The following CLPB variants were observed in gnomAD, a reference collection of about 807,000 sequenced individuals.
The protein encoded by CLPB is mitochondrial disaggregase.
CLPB carries 40 observed loss-of-function variants against 78.4 expected under a neutral mutation model. That is an observed-to-expected ratio of 0.51 (90% CI 0.40 to 0.66). The LOEUF (loss-of-function observed/expected upper bound fraction) is 0.66. Ranked by LOEUF, CLPB falls within the 30% of genes least tolerant of loss-of-function variation. The probability of loss-of-function intolerance (pLI) is 0.00; values close to 1 mark genes in which losing one functional copy is unlikely to be tolerated. For missense variants in CLPB, 780 were observed against 886.9 expected, an observed-to-expected ratio of 0.88 and a Z score of 1.53; for synonymous variants, 333 against 348.0, an observed-to-expected ratio of 0.96 and a Z score of 0.48.
intron 3 of CLPB, among the ~76,000 whole-genome samples, chr11:72,387,427 G>A (rs1855111292): frequency 6.6e-6 from 1 of 151,268 alleles, no homozygotes; most frequent in South Asian, 2.1e-4. Flanking sequence ...GCTGGACTAA[G>A]GAAAGTCAGG....
intron 4 of CLPB, 35 bp downstream of exon 4, chr11:72,380,246 A>G (rs1377754081): frequency 6.7e-7 from 1 of 1,481,964 alleles, no homozygotes. Flanking sequence ...CCACAAGAGG[A>G]GAGCTCTCAG....
chr11:72,379,380 G>A lies in CLPB; in HGVS notation c.646+901C>T, dbSNP rs758988460. Among the ~76,000 whole-genome samples the A allele has an allele frequency of 7.2e-5, 11 of 152,166 alleles. 1 individual carries two copies. Among genetic ancestry groups the A allele is most frequent in the African/African-American group, 1.9e-4 (8 of 41,438 alleles). On this transcript the variant is annotated intron_variant, in intron 4 of 15. Coordinates refer to ENST00000538039, the MANE Select transcript of CLPB (RefSeq NM_001258392.3). Reference sequence around the variant, plus strand: ...TCCAGGACAAGGGGAAAGCAGTGGCGACAGTCTGGATAAACGAAAGCTCAA... The same window carrying A: ...TCCAGGACAAGGGGAAAGCAGTGGCAACAGTCTGGATAAACGAAAGCTCAA...
At chr11:72,390,453 G>GAAAAAAAAAAAAAAGAAAAAA (rs1329085745) in intron 3 of CLPB, among the ~76,000 whole-genome samples, 1 of 69,606 alleles carries the variant, frequency 1.4e-5, no homozygotes. Context: ...AAACGAAATA[G>GAAAAAAAAAAAAAAGAAAAAA]AAAAAAAAAA....
At position 72,290,334 on chromosome 11, in the gene CLPB, TATCCA is replaced by T. The variant is rs1949436348; in HGVS notation, c.*3028_*3032del. ...ATTGTAGCCTGTAGAATAAAACAGA[TATCCA>T]CTCATTCATACTGATATAAATTATC... is the stretch of plus-strand genomic sequence containing the variant. On this transcript the variant is annotated 3_prime_UTR_variant, in exon 16 of 16. Transcript: ENST00000538039. 6.6e-6 allele frequency: 1 copy of T among 152,158 alleles called. No individual in the cohort carries two copies. The highest frequency in any genetic ancestry group is 1.5e-5 in the Non-Finnish European group (1 of 68,028). The allele number at this position is 152,158 out of a possible 1,614,324, so 9.4% of individuals were successfully genotyped here.
chr11:72,327,613 C>A (rs530866308), intron 6 of CLPB, among the ~76,000 whole-genome samples: 3 of 152,178 alleles, frequency 2.0e-5, no homozygotes, highest in South Asian at 2.1e-4. Context: ...CAGACCAGTA[C>A]CTGCTCTATG....
intron 7 of CLPB, among the ~76,000 whole-genome samples, chr11:72,309,090 C>G (rs1057272729): frequency 6.6e-6 from 1 of 152,104 alleles, no homozygotes; most frequent in Middle Eastern, 3.2e-3. Flanking sequence ...AAGCTAAGGT[C>G]TGGTCCACTG....
At chr11:72,329,463 T>C (rs1950183665) in intron 6 of CLPB, among the ~76,000 whole-genome samples, 1 of 152,328 alleles carries the variant, frequency 6.6e-6, no homozygotes, top group African/African-American at 2.4e-5. Flanking sequence ...AAGCCAGAAG[T>C]GGCCAAGGCC....
At chr11:72,392,158 T>C (rs996042185) in intron 3 of CLPB, among the ~76,000 whole-genome samples, 1 of 152,056 alleles carries the variant, frequency 6.6e-6, no homozygotes, top group African/African-American at 2.4e-5. Flanking sequence ...CTACACAATG[T>C]TGAGCTTCAG....
In CLPB at chr11:72,404,114, C is replaced by A. The variant is rs114646794; in HGVS notation, c.456-1062G>T. On this transcript the variant is annotated intron_variant, in intron 2 of 15. Coordinates refer to ENST00000538039, the MANE Select transcript of CLPB (RefSeq NM_001258392.3). ...GCCAGGCTCCTTCTCACCTCACCACCCTTCCTCCAGACAGAACCTGGCTCT... is the reference window on the plus strand; with the variant it reads ...GCCAGGCTCCTTCTCACCTCACCACACTTCCTCCAGACAGAACCTGGCTCT... 4.7e-3 allele frequency among the ~76,000 whole-genome samples: 717 copies of A among 152,280 alleles called. 5 individuals carry two copies. The highest frequency in any genetic ancestry group is 0.016 in the African/African-American group (682 of 41,560).
At chr11:72,322,066 T>C (rs1950054007) in intron 6 of CLPB, among the ~76,000 whole-genome samples, 1 of 152,000 alleles carries the variant, frequency 6.6e-6, no homozygotes, top group African/African-American at 2.4e-5. Flanking sequence ...GCAGAGCAGA[T>C]GGGAACACAA....
intron 1 of CLPB, among the ~76,000 whole-genome samples, chr11:72,431,085 G>A (rs1332863026): frequency 3.9e-5 from 6 of 152,220 alleles, no homozygotes; most frequent in Non-Finnish European, 5.9e-5. Flanking sequence ...AAGCAGAGGA[G>A]ACACTAAGCC....
chr11:72,393,269 C>T (rs1360277195), intron 3 of CLPB, among the ~76,000 whole-genome samples: 1 of 152,152 alleles, frequency 6.6e-6, no homozygotes, highest in African/African-American at 2.4e-5. Context: ...GGACTTATTA[C>T]AGTATGGACC....
At chr11:72,418,853 C>G (rs986634311) in intron 2 of CLPB, among the ~76,000 whole-genome samples, 6 of 132,418 alleles carry the variant, frequency 4.5e-5, no homozygotes, top group Non-Finnish European at 1.6e-5. Context: ...GACTCCATCT[C>G]CAAAAAAAAA....
chr11:72,329,290 A>G (rs891648737), intron 6 of CLPB, among the ~76,000 whole-genome samples: 2 of 151,976 alleles, frequency 1.3e-5, no homozygotes, highest in Non-Finnish European at 2.9e-5. Context: ...GAATGATGAT[A>G]AGAAAAGATT....
chr11:72,353,707 A>C (rs1463887768), intron 5 of CLPB, among the ~76,000 whole-genome samples: 1 of 152,206 alleles, frequency 6.6e-6, no homozygotes, highest in Non-Finnish European at 1.5e-5. Context: ...GAAAGACTTC[A>C]GAAGGAAGGT....
At chr11:72,304,279 A>G (rs1949708808) in intron 9 of CLPB, 1 of 152,226 alleles carries the variant, frequency 6.6e-6, no homozygotes, top group Non-Finnish European at 1.5e-5. Flanking sequence ...AACATTTTAC[A>G]TCACTATCTC....
At chr11:72,425,182 T>G (rs186657326) in intron 2 of CLPB, among the ~76,000 whole-genome samples, 95 of 152,356 alleles carry the variant, frequency 6.2e-4, no homozygotes, top group Admixed American at 3.1e-3. Context: ...ACTCTTGGGT[T>G]GCAGTCCTCA....
Position 72,381,712 on chromosome 11 carries a change from C to T in CLPB, c.543-1328G>A, listed in dbSNP as rs117995718. ...AGCAGACCCAGCCTCCAGGTCCACC[C>T]CAGGCTCCAGCCCAGCCCACAGCCA... On this transcript the variant is annotated intron_variant, in intron 3 of 15. Transcript: ENST00000538039. Among the ~76,000 whole-genome samples the T allele has an allele frequency of 2.2e-4, 33 of 152,282 alleles. No individual in the cohort carries two copies. The East Asian group carries it at 5.6e-3, about 26-fold the overall frequency.
chr11:72,349,752 G>A (rs1950579959), intron 5 of CLPB, among the ~76,000 whole-genome samples: 1 of 152,246 alleles, frequency 6.6e-6, no homozygotes, highest in African/African-American at 2.4e-5. Flanking sequence ...ATACGCTGGA[G>A]GGGGCATGAG....
Sources: allele counts gnomAD v4.1 joint callset (sites outside exome capture counted in the v4.1 genomes callset), GRCh38; gene constraint gnomAD v4.1.1; transcripts MANE v1.5; gene names NCBI Gene and HGNC (gene_info 2026-07-23, HGNC 2026-07-21).